Variants in EPHA6 observed in about 807,000 individuals in gnomAD.
EPHA6 encodes EPH receptor A6.
In EPHA6, 50 loss-of-function variants were observed where a neutral mutation model predicts 112.0. The observed-to-expected ratio is 0.45, with a 90% CI of 0.36 to 0.56. The LOEUF is 0.56. EPHA6 is among the 20% of genes least tolerant of loss of function. The probability of loss-of-function intolerance (pLI) is 0.00; values close to 1 mark genes in which losing one functional copy is unlikely to be tolerated. For synonymous variants in EPHA6, 529 were observed against 490.7 expected (o/e 1.08, Z -1.03); for missense variants, 1,280 against 1,417.4 (o/e 0.90, Z 1.56).
At chr3:97,703,570 G>T (rs1010181079) in intron 14 of EPHA6, among the ~76,000 whole-genome samples, 1 of 152,102 alleles carries the variant, frequency 6.6e-6, no homozygotes, top group Non-Finnish European at 1.5e-5. Context: ...GCCAACATTG[G>T]CTGTAAAATC....
chr3:97,677,304 G>T (rs2031473444), intron 14 of EPHA6, among the ~76,000 whole-genome samples: 1 of 152,010 alleles, frequency 6.6e-6, no homozygotes, highest in Admixed American at 6.6e-5. Flanking sequence ...AGTTAACATT[G>T]ATTTTAATTT....
chr3:96,969,603 T>A (rs569178940), intron 2 of EPHA6, among the ~76,000 whole-genome samples: 192 of 152,152 alleles, frequency 1.3e-3, no homozygotes, highest in Non-Finnish European at 1.8e-3. Flanking sequence ...TACAGAATCA[T>A]AATCTTAACT....
chr3:97,470,445 T>C (rs2091193104), intron 7 of EPHA6, among the ~76,000 whole-genome samples: 1 of 151,700 alleles, frequency 6.6e-6, no homozygotes, highest in African/African-American at 2.4e-5. Flanking sequence ...GAGTTAACTT[T>C]AAAAATCTAT....
At chr3:97,011,025 G>T (rs980965280) in intron 3 of EPHA6, among the ~76,000 whole-genome samples, 8 of 152,102 alleles carry the variant, frequency 5.3e-5, no homozygotes, top group African/African-American at 9.7e-5. Context: ...TCAAGTGCTT[G>T]CTACTTACTT....
intron 7 of EPHA6, among the ~76,000 whole-genome samples, chr3:97,453,953 C>CAGCA (rs2090602306): frequency 6.6e-6 from 1 of 151,714 alleles, no homozygotes; most frequent in Admixed American, 6.6e-5. Context: ...GTGAATTTCT[C>CAGCA]AGCAAGATAT....
At chr3:96,887,937 CA>C (rs1286359955) in intron 2 of EPHA6, among the ~76,000 whole-genome samples, 1 of 152,084 alleles carries the variant, frequency 6.6e-6, no homozygotes, top group Non-Finnish European at 1.5e-5. Context: ...GTCTCACTCC[CA>C]CTGTGCCCCC....
intron 2 of EPHA6, among the ~76,000 whole-genome samples, chr3:96,930,743 G>A (rs2040271244): frequency 6.6e-6 from 1 of 151,966 alleles, no homozygotes; most frequent in African/African-American, 2.4e-5. Flanking sequence ...TGTAATCCCG[G>A]AACTTTGGGA....
chr3:97,285,737 G>C (rs2080444103), intron 5 of EPHA6, among the ~76,000 whole-genome samples: 1 of 152,026 alleles, frequency 6.6e-6, no homozygotes, highest in South Asian at 2.1e-4. Flanking sequence ...TAAATACCCA[G>C]TAGTGGGATT....
chr3:97,464,338 G>A (rs2090986264), intron 7 of EPHA6, among the ~76,000 whole-genome samples: 2 of 152,178 alleles, frequency 1.3e-5, no homozygotes, highest in East Asian at 3.9e-4. Context: ...AGATACCTCA[G>A]AGGATGTTTA....
intron 3 of EPHA6, among the ~76,000 whole-genome samples, chr3:96,996,401 A>G (rs894748730): frequency 2.0e-5 from 3 of 152,102 alleles, no homozygotes; most frequent in African/African-American, 7.2e-5. Flanking sequence ...TTCTTGGCAG[A>G]GTATTTTCAG....
intron 2 of EPHA6, among the ~76,000 whole-genome samples, chr3:96,942,475 T>C (rs1012886863): frequency 6.6e-6 from 1 of 152,172 alleles, no homozygotes; most frequent in Non-Finnish European, 1.5e-5. Flanking sequence ...AAGCGCAGTA[T>C]TAGGGTGGGA....
intron 2 of EPHA6, among the ~76,000 whole-genome samples, chr3:96,892,134 A>G (rs1335694337): frequency 6.6e-6 from 1 of 152,216 alleles, no homozygotes; most frequent in Non-Finnish European, 1.5e-5. Context: ...TTGACTTCAT[A>G]TAGAGAGATA....
At chr3:97,478,034 A>T (rs1447179552) in intron 8 of EPHA6, among the ~76,000 whole-genome samples, 3 of 152,112 alleles carry the variant, frequency 2.0e-5, no homozygotes, top group Admixed American at 1.3e-4. Flanking sequence ...TCTAGGGTAC[A>T]TGTGCACACA....
At chr3:96,937,464 T>C (rs978897392) in intron 2 of EPHA6, among the ~76,000 whole-genome samples, 1 of 151,950 alleles carries the variant, frequency 6.6e-6, no homozygotes, top group African/African-American at 2.4e-5. Flanking sequence ...GTTTGTTTTT[T>C]CTTGTGAATT....
chr3:96,971,112 C>T (rs746895477), intron 2 of EPHA6, among the ~76,000 whole-genome samples: 32 of 152,154 alleles, frequency 2.1e-4, no homozygotes, highest in African/African-American at 6.7e-4. Flanking sequence ...ATCTCAACTT[C>T]GTAAGCCATT....
intron 2 of EPHA6, among the ~76,000 whole-genome samples, chr3:96,936,865 T>C (rs1019402041): frequency 1.3e-5 from 2 of 152,162 alleles, no homozygotes; most frequent in Non-Finnish European, 2.9e-5. Context: ...TGGTGTTTGG[T>C]ATTTTGTCCT....
rs1214987805 is a variant in EPHA6 at position 96,814,791 on chromosome 3, G to A, written c.168G>A (p.Glu56=). ...CACCCCCTGCGGGCCGGGTGGAGGAGGAAGAGGAGGAGGAGGAAGAAGACG... is the reference window on the plus strand; with the variant it reads ...CACCCCCTGCGGGCCGGGTGGAGGAAGAAGAGGAGGAGGAGGAAGAAGACG... ...PGTPPAGRVE[E]EEEEEEEDVD... Residue 56 remains glutamate (E), a synonymous_variant, in exon 1 of 18, where the codon GAG becomes GAA. Transcript: ENST00000389672. The A allele has an allele frequency of 6.2e-7, 1 of 1,603,050 alleles. No homozygotes were observed. The highest frequency in any genetic ancestry group is 8.5e-7 in the Non-Finnish European group (1 of 1,174,186).
chr3:97,227,071 CA>C (rs1205780153), intron 4 of EPHA6, among the ~76,000 whole-genome samples: 1 of 151,674 alleles, frequency 6.6e-6, no homozygotes, highest in African/African-American at 2.4e-5. Context: ...AATATCAGTA[CA>C]TTTAAAAAAT....
At chr3:96,925,572 T>G (rs1348868903) in intron 2 of EPHA6, among the ~76,000 whole-genome samples, 1 of 151,254 alleles carries the variant, frequency 6.6e-6, no homozygotes, top group Non-Finnish European at 1.5e-5. Flanking sequence ...AATTTTATCA[T>G]TTTTTTTCAA....
Sources: allele counts gnomAD v4.1 joint callset (sites outside exome capture counted in the v4.1 genomes callset), GRCh38; gene constraint gnomAD v4.1.1; transcripts MANE v1.5; gene names NCBI Gene and HGNC (gene_info 2026-07-23, HGNC 2026-07-21).